The following CACNA2D1 variants were observed in gnomAD, a reference collection of about 807,000 sequenced individuals.
The protein encoded by CACNA2D1 is voltage-dependent calcium channel subunit alpha-2/delta-1.
A neutral mutation model predicts 171.5 loss-of-function variants in CACNA2D1; 53 were observed. The ratio of observed to expected loss-of-function variants is 0.31; its 90% CI spans 0.25 to 0.39. The LOEUF (loss-of-function observed/expected upper bound fraction) is 0.39. Ranked by LOEUF, CACNA2D1 falls within the 10% of genes least tolerant of loss-of-function variation. The probability of loss-of-function intolerance (pLI) is 1.00; values close to 1 mark genes in which losing one functional copy is unlikely to be tolerated. For synonymous variants in CACNA2D1, 442 were observed against 443.1 expected, an observed-to-expected ratio of 1.00 and a Z score of 0.03; for missense variants, 903 against 1,299.8, an observed-to-expected ratio of 0.69 and a Z score of 4.69.
intron 10 of CACNA2D1, among the ~76,000 whole-genome samples, chr7:82,044,892 A>G (rs1804375225): frequency 6.6e-6 from 1 of 152,188 alleles, no homozygotes. Context: ...AGCTGATAAC[A>G]TTTATTCTTA....
rs895288361 is a variant in CACNA2D1 at position 82,022,297 on chromosome 7, G to A, written c.1144-7818C>T. Among the ~76,000 whole-genome samples the A allele has an allele frequency of 2.6e-5, 4 of 151,366 alleles. No homozygotes were observed. In the Admixed American group the frequency reaches 2.6e-4, roughly 10 times the overall value. Reference sequence around the variant, plus strand: ...TAAATTGATGATCGCTCTACTAGCTGGGCATATTACATTGTAGTTATTGTT... The same window carrying A: ...TAAATTGATGATCGCTCTACTAGCTAGGCATATTACATTGTAGTTATTGTT... On this transcript the variant is annotated intron_variant, in intron 12 of 38. Transcript: ENST00000356860.
chr7:82,026,158 T>C (rs1044487878), intron 12 of CACNA2D1, among the ~76,000 whole-genome samples: 2 of 151,540 alleles, frequency 1.3e-5, no homozygotes, highest in Non-Finnish European at 3.0e-5. Context: ...CCTTCACTTT[T>C]AGCCTATGTG....
chr7:82,324,442 C>G (rs945029832), intron 3 of CACNA2D1, among the ~76,000 whole-genome samples: 2 of 144,882 alleles, frequency 1.4e-5, no homozygotes, highest in Non-Finnish European at 3.0e-5. Flanking sequence ...TTAATCAGAA[C>G]AAAATGTTAC....
chr7:81,991,857 C>CG lies in CACNA2D1; in HGVS notation c.1735-612dup, dbSNP rs780512535. ...TGTATAATTTTTTTTTTTTTTTAGA[C>CG]GGAGTATCGCTCTGTCACCCAGGCT... On this transcript the variant is annotated intron_variant, in intron 20 of 38. Transcript: ENST00000356860. Among the ~76,000 whole-genome samples the CG allele has an allele frequency of 1.5e-4, 22 of 149,572 alleles. No homozygotes were observed. The East Asian group carries it at 1.6e-3, about 11-fold the overall frequency.
At chr7:81,998,581 T>C (rs1034513793) in intron 18 of CACNA2D1, among the ~76,000 whole-genome samples, 2 of 152,042 alleles carry the variant, frequency 1.3e-5, no homozygotes, top group African/African-American at 4.8e-5. Context: ...TTGATTCCTA[T>C]GGTTTTTGAT....
intron 1 of CACNA2D1, among the ~76,000 whole-genome samples, chr7:82,388,299 T>C (rs1824660809): frequency 1.3e-5 from 2 of 152,276 alleles, no homozygotes; most frequent in South Asian, 4.1e-4. Flanking sequence ...TTTTATTTGG[T>C]TTGGTTATTT....
intron 1 of CACNA2D1, among the ~76,000 whole-genome samples, chr7:82,364,953 G>C (rs1180307320): frequency 2.0e-5 from 3 of 152,038 alleles, no homozygotes. Context: ...GAAACCCAGG[G>C]GAAATAACAC....
chr7:81,973,838 G>A (rs1243083552), intron 25 of CACNA2D1, among the ~76,000 whole-genome samples: 1 of 151,898 alleles, frequency 6.6e-6, no homozygotes, highest in Non-Finnish European at 1.5e-5. Flanking sequence ...TAAGCTTAGA[G>A]TATGAATGAT....
At chr7:82,331,859 T>A (rs1443362868) in intron 3 of CACNA2D1, among the ~76,000 whole-genome samples, 2 of 152,196 alleles carry the variant, frequency 1.3e-5, no homozygotes, top group Non-Finnish European at 2.9e-5. Flanking sequence ...ATAAATCGAA[T>A]CATTTTCCAC....
chr7:82,308,167 T>G (rs1396571073), intron 3 of CACNA2D1, among the ~76,000 whole-genome samples: 1 of 152,198 alleles, frequency 6.6e-6, no homozygotes, highest in African/African-American at 2.4e-5. Context: ...CCTCTTGGAC[T>G]CAATGCTCCA....
At chr7:82,196,455 G>A (rs149770224) in intron 3 of CACNA2D1, among the ~76,000 whole-genome samples, 218 of 152,138 alleles carry the variant, frequency 1.4e-3, no homozygotes, top group African/African-American at 5.0e-3. Context: ...GCTACAGTAG[G>A]GAGAAAACGA....
chr7:82,199,225 C>T (rs963531633), intron 3 of CACNA2D1, among the ~76,000 whole-genome samples: 2 of 151,890 alleles, frequency 1.3e-5, no homozygotes, highest in African/African-American at 4.8e-5. Context: ...TACATATTGA[C>T]GATTCTATGT....
intron 3 of CACNA2D1, among the ~76,000 whole-genome samples, chr7:82,310,125 T>G (rs375210875): frequency 6.6e-6 from 1 of 152,074 alleles, no homozygotes; most frequent in East Asian, 1.9e-4. Context: ...AACATATCTT[T>G]CTTACAAATT....
At chr7:82,377,027 T>C (rs1161053698) in intron 1 of CACNA2D1, among the ~76,000 whole-genome samples, 3 of 152,296 alleles carry the variant, frequency 2.0e-5, no homozygotes, top group East Asian at 3.9e-4. Context: ...GCAAGGATTA[T>C]TGATAGAAGC....
intron 1 of CACNA2D1, among the ~76,000 whole-genome samples, chr7:82,354,064 C>T (rs1174215948): frequency 6.6e-6 from 1 of 152,066 alleles, no homozygotes; most frequent in Admixed American, 6.6e-5. Flanking sequence ...GAGTGTCCTG[C>T]CCTATACCAA....
At position 81,948,362 on chromosome 7, in the gene CACNA2D1, T is replaced by C. The variant is rs1272836745; in HGVS notation, c.*2030A>G. ...CTAAAATGTCAATACCAGTTATGAA[T>C]GACACTACAAAATCACAACAATGCA... On this transcript the variant is annotated 3_prime_UTR_variant, in exon 39 of 39. Transcript: ENST00000356860. 1.3e-5 allele frequency: 2 copies of C among 151,752 alleles called. No homozygotes were observed. Among genetic ancestry groups the C allele is most frequent in the Non-Finnish European group, 3.0e-5 (2 of 67,794 alleles). The allele number at this position is 151,752 out of a possible 1,614,324, so 9.4% of individuals were successfully genotyped here.
intron 4 of CACNA2D1, among the ~76,000 whole-genome samples, chr7:82,166,214 T>TCCC (rs1337142205): frequency 6.6e-6 from 1 of 152,078 alleles, no homozygotes; most frequent in Non-Finnish European, 1.5e-5. Flanking sequence ...GTAATTTTAA[T>TCCC]ATTATAAAAT....
At position 81,971,665 on chromosome 7, in the gene CACNA2D1, A is replaced by G. The variant is rs1397041990; in HGVS notation, c.2141+112T>C. 4 of 699,020 alleles carry G rather than the reference A, an allele frequency of 5.7e-6. No homozygotes were observed. In the East Asian group the frequency reaches 8.2e-5, roughly 14 times the overall value. The allele number at this position is 699,020 out of a possible 1,614,324, so 43.3% of individuals were successfully genotyped here. On this transcript the variant is annotated intron_variant, in intron 26 of 38. Coordinates refer to ENST00000356860, the MANE Select transcript of CACNA2D1 (RefSeq NM_000722.4). ...CTGTATAGTGATTTTCTTGAGAAAT[A>G]TTAAACATTATTAATGAACTGTAAA...
At chr7:82,150,143 G>A (rs1584928333) in intron 4 of CACNA2D1, among the ~76,000 whole-genome samples, 1 of 151,722 alleles carries the variant, frequency 6.6e-6, no homozygotes, top group Non-Finnish European at 1.5e-5. Context: ...GTGGCTTCCC[G>A]AGGCTTTGGT....
Sources: allele counts gnomAD v4.1 joint callset (sites outside exome capture counted in the v4.1 genomes callset), GRCh38; gene constraint gnomAD v4.1.1; transcripts MANE v1.5; gene names NCBI Gene and HGNC (gene_info 2026-07-23, HGNC 2026-07-21).